Variants in FTCD observed in about 807,000 individuals in gnomAD.
The protein encoded by FTCD is formimidoyltransferase cyclodeaminase.
A neutral mutation model predicts 62.9 loss-of-function variants in FTCD; 76 were observed. That is an observed-to-expected ratio of 1.21 (90% CI 1.00 to 1.46). The LOEUF (loss-of-function observed/expected upper bound fraction) is 1.46, where lower values mean the gene tolerates loss of function less well. FTCD is among the 40% of genes most tolerant of loss of function. The probability of loss-of-function intolerance (pLI) is 0.00; values close to 1 mark genes in which losing one functional copy is unlikely to be tolerated. For synonymous variants in FTCD, 397 were observed against 336.9 expected, an observed-to-expected ratio of 1.18 and a Z score of -1.95; for missense variants, 845 against 751.3, an observed-to-expected ratio of 1.12 and a Z score of -1.46.
In FTCD at chr21:46,143,354, C is replaced by G. The variant is rs905152553; in HGVS notation, c.1260+2063G>C. On this transcript the variant is annotated intron_variant, in intron 10 of 13. Coordinates refer to ENST00000397746, the MANE Select transcript of FTCD (RefSeq NM_206965.2). ...TCCCTCTCTCCCCACTCCCCTCCCT[C>G]TCTCCCTACCCCCCCTCCCCATCTC... 6.0e-4 allele frequency among the ~76,000 whole-genome samples: 90 copies of G among 150,790 alleles called. 1 individual carries two copies. The highest frequency in any genetic ancestry group is 2.0e-3 in the African/African-American group (84 of 41,008).
chr21:46,142,000 A>C (rs1016018366), intron 10 of FTCD: 6 of 152,360 alleles, frequency 3.9e-5, no homozygotes, highest in East Asian at 3.8e-4. Context: ...GAGGGGAAGG[A>C]AAGGCGGAGC....
intron 1 of FTCD, among the ~76,000 whole-genome samples, chr21:46,154,802 C>G (rs1330873512): frequency 1.3e-5 from 2 of 152,238 alleles, no homozygotes; most frequent in South Asian, 2.1e-4. Context: ...TTGCCCTGTC[C>G]CAGGGCCTTG....
At chr21:46,154,073 C>A in intron 2 of FTCD, 76 bp downstream of exon 2, 1 of 1,497,090 alleles carries the variant, frequency 6.7e-7, no homozygotes, top group Non-Finnish European at 9.3e-7. Flanking sequence ...CCTACCCCCT[C>A]TCCCAGGACA....
intron 6 of FTCD, 67 bp downstream of exon 6, chr21:46,150,321 C>A: frequency 6.2e-7 from 1 of 1,609,788 alleles, no homozygotes; most frequent in Non-Finnish European, 8.5e-7. Flanking sequence ...GGATGTGGGG[C>A]CCCCGCCCTG....
intron 12 of FTCD, 111 bp downstream of exon 12, chr21:46,138,397 G>T: frequency 9.6e-7 from 1 of 1,047,108 alleles, no homozygotes; most frequent in Non-Finnish European, 1.4e-6. Flanking sequence ...GTGAAGTGAG[G>T]TCTCCCTACC....
chr21:46,136,665 C>A (rs1426068428), downstream of FTCD: 1 of 1,469,382 alleles, frequency 6.8e-7, no homozygotes, highest in Non-Finnish European at 9.0e-7. Context: ...GCTGCAACCC[C>A]ATTCCCTCCA....
Position 46,146,305 on chromosome 21 carries a change from T to G in FTCD, c.929A>C (p.Asp310Ala), listed in dbSNP as rs1430836936. ...CTTAGGGCTGAAGGGGCACAGGGAG[T>G]CCAGGCCCAGCCGGCTCACCACCTG... ...IRLVVSRLGL[D>A]SLCPFSPKER... Residue 310 changes from aspartate to alanine, a missense_variant, in exon 8 of 14, where the codon GAC (aspartate) becomes GCC (alanine). Asp to Ala is a moderately radical substitution (Grantham distance 126). Transcript: ENST00000397746. 1 of 1,603,996 alleles carries G rather than the reference T, an allele frequency of 6.2e-7. No individual in the cohort carries two copies. Among genetic ancestry groups the G allele is most frequent in the Non-Finnish European group, 8.5e-7 (1 of 1,175,752 alleles).
chr21:46,140,636 C>G (rs1259502828), intron 10 of FTCD, among the ~76,000 whole-genome samples: 1 of 81,164 alleles, frequency 1.2e-5, no homozygotes, highest in African/African-American at 4.1e-5. Flanking sequence ...ACGTGGCTCA[C>G]AGGGAGTGTA....
chr21:46,150,262 C>T lies in FTCD; in HGVS notation c.775-12G>A. ...GGGAGGCTCAGCTCCTGCCAAGGCA[C>T]AGGCAGCGTCACCCCCTGGGGGCTG... On this transcript the variant is annotated splice_polypyrimidine_tract_variant and intron_variant, in intron 6 of 13. Coordinates refer to ENST00000397746, the MANE Select transcript of FTCD (RefSeq NM_206965.2). The T allele has an allele frequency of 6.2e-7, 1 of 1,608,764 alleles. No homozygotes were observed. Among genetic ancestry groups the T allele is most frequent in the Non-Finnish European group, 8.5e-7 (1 of 1,177,970 alleles).
At chr21:46,151,388 G>A (rs985336977) in intron 5 of FTCD, among the ~76,000 whole-genome samples, 170 bp downstream of exon 5, 12 of 152,344 alleles carry the variant, frequency 7.9e-5, no homozygotes, top group African/African-American at 2.6e-4. Flanking sequence ...GCCGACCTGC[G>A]CGGTCCCCGC....
intron 12 of FTCD, 28 bp downstream of exon 12, chr21:46,138,480 A>AG: frequency 6.4e-7 from 1 of 1,567,978 alleles, no homozygotes; most frequent in Non-Finnish European, 8.6e-7. Flanking sequence ...TTGCGGCAGG[A>AG]GGCCTGGGGT....
chr21:46,154,029 C>T, intron 2 of FTCD, 120 bp downstream of exon 2: 2 of 1,016,752 alleles, frequency 2.0e-6, no homozygotes, highest in Middle Eastern at 2.6e-4. Context: ...GAGCCAGCCC[C>T]ACTGGACCCC....
At chr21:46,144,081 A>T (rs901048047) in intron 10 of FTCD, among the ~76,000 whole-genome samples, 6 of 151,912 alleles carry the variant, frequency 3.9e-5, no homozygotes, top group African/African-American at 1.5e-4. Flanking sequence ...TCAGCTACCT[A>T]ACAGGGAAGG....
intron 10 of FTCD, among the ~76,000 whole-genome samples, chr21:46,139,226 C>T (rs1027098944): frequency 4.6e-5 from 7 of 152,166 alleles, no homozygotes; most frequent in African/African-American, 1.7e-4. Flanking sequence ...TCCCCTGAGC[C>T]CTCAGAACCT....
At chr21:46,154,410 C>T in intron 1 of FTCD, 78 bp from the exon 2 acceptor site, 1 of 1,497,416 alleles carries the variant, frequency 6.7e-7, no homozygotes, top group Non-Finnish European at 9.0e-7. Context: ...TGGCTGCACC[C>T]CGAGACACAA....
intron 10 of FTCD, among the ~76,000 whole-genome samples, chr21:46,144,600 CCT>C (rs553679959): frequency 2.8e-3 from 4 of 1,444 alleles, no homozygotes; most frequent in African/African-American, 6.0e-3. Context: ...CCTCCCTCTC[CCT>C]CTCTCTCTGT....
intron 10 of FTCD, among the ~76,000 whole-genome samples, chr21:46,139,423 G>A (rs1044439601): frequency 6.4e-4 from 97 of 151,756 alleles, no homozygotes; most frequent in Middle Eastern, 3.4e-3. Context: ...CGGCGTCACC[G>A]TAAGGCACTC....
Position 46,151,892 on chromosome 21 carries a change from C to T in FTCD, c.456G>A (p.Lys152=), listed in dbSNP as rs752890564. The change falls in exon 4 of 14, where the codon AAG becomes AAA. Residue 152 remains lysine, a splice_region_variant and synonymous_variant. Coordinates refer to ENST00000397746, the MANE Select transcript of FTCD (RefSeq NM_206965.2). ...GCCCGACCGCCCGGGGTGGGGGCAC[C>T]TTCTTAGGGAGGGCCTCGTACTCCC... ...RAGEYEALPK[K]LQQADWAPDF... The T allele has an allele frequency of 6.4e-7, 1 of 1,561,018 alleles. No individual in the cohort carries two copies. The highest frequency in any genetic ancestry group is 8.7e-7 in the Non-Finnish European group (1 of 1,153,080).
At position 46,154,210 on chromosome 21, in the gene FTCD, C is replaced by T; in HGVS notation, c.177G>A (p.Val59=). The T allele has an allele frequency of 1.9e-6, 3 of 1,612,870 alleles. No individual in the cohort carries two copies. Among genetic ancestry groups the T allele is most frequent in the South Asian group, 2.2e-5 (2 of 91,084 alleles). The change falls in exon 2 of 14, where the codon GTG becomes GTA. Residue 59 remains valine (V), a synonymous_variant. Coordinates refer to ENST00000397746, the MANE Select transcript of FTCD (RefSeq NM_206965.2). The part of the protein sequence containing the change: ...YTFVGPPECV[V]EGALNAARVA... Reference sequence around the variant, plus strand: ...CCCGGGCAGCGTTGAGGGCCCCCTCCACCACGCACTCCGGCGGCCCCACGA... The same window carrying T: ...CCCGGGCAGCGTTGAGGGCCCCCTCTACCACGCACTCCGGCGGCCCCACGA...
Sources: allele counts gnomAD v4.1 joint callset (sites outside exome capture counted in the v4.1 genomes callset), GRCh38; gene constraint gnomAD v4.1.1; transcripts MANE v1.5; gene names NCBI Gene and HGNC (gene_info 2026-07-23, HGNC 2026-07-21).